The following HIVEP1 variants were observed in gnomAD, a reference collection of about 807,000 sequenced individuals.
HIVEP1 encodes the protein HIVEP zinc finger 1, also known as zinc finger protein 40.
HIVEP1 carries 36 observed loss-of-function variants against 180.0 expected under a neutral mutation model. The ratio of observed to expected loss-of-function variants is 0.20; its 90% CI spans 0.15 to 0.26. The LOEUF (loss-of-function observed/expected upper bound fraction) is 0.26, where lower values mean the gene tolerates loss of function less well. HIVEP1 is among the 10% of genes least tolerant of loss of function. The pLI is 1.00. For synonymous variants in HIVEP1, 1,239 were observed against 1,239.0 expected (o/e 1.00, Z 0.00); for missense variants, 3,143 against 3,268.7 (o/e 0.96, Z 0.94).
chr6:12,199,507 G>A, the HIVEP1 span, among the ~76,000 whole-genome samples: 45 of 151,930 alleles, frequency 3.0e-4, no homozygotes, highest in Non-Finnish European at 7.4e-5. Flanking sequence ...GATTACAGGT[G>A]CCCACCACCA....
At chr6:12,153,776 G>A (rs1759849485) in intron 7 of HIVEP1, among the ~76,000 whole-genome samples, 1 of 152,068 alleles carries the variant, frequency 6.6e-6, no homozygotes. Context: ...GAGAAGTCTT[G>A]ATTTGACTAT....
chr6:12,009,230 C>T (rs965010671), upstream of HIVEP1, among the ~76,000 whole-genome samples: 34 of 149,592 alleles, frequency 2.3e-4, 1 homozygote, highest in African/African-American at 8.3e-4. Context: ...CGGGCGGCCG[C>T]GTGGGAACCC....
At chr6:12,086,415 C>T (rs991186828) in intron 2 of HIVEP1, among the ~76,000 whole-genome samples, 1 of 152,058 alleles carries the variant, frequency 6.6e-6, no homozygotes, top group Admixed American at 6.6e-5. Flanking sequence ...TAGGTAACAG[C>T]AACAGAGAAA....
intron 2 of HIVEP1, among the ~76,000 whole-genome samples, chr6:12,042,382 C>CTTTT (rs11317475): frequency 1.5e-5 from 2 of 133,422 alleles, no homozygotes; most frequent in Admixed American, 7.4e-5. Context: ...CACCCGGCCG[C>CTTTT]TTTTTTTTTT....
intron 3 of HIVEP1, among the ~76,000 whole-genome samples, chr6:12,100,792 A>G (rs1002581811): frequency 5.9e-5 from 9 of 152,236 alleles, no homozygotes; most frequent in Admixed American, 3.9e-4. Flanking sequence ...AAAATTGGAA[A>G]CTTTTTGAGC....
At chr6:12,127,066 G>A (rs1758120010) in intron 4 of HIVEP1, among the ~76,000 whole-genome samples, 1 of 151,940 alleles carries the variant, frequency 6.6e-6, no homozygotes, top group Admixed American at 6.6e-5. Flanking sequence ...TGTCTGGTTT[G>A]GCCAAGCTGG....
intron 2 of HIVEP1, among the ~76,000 whole-genome samples, chr6:12,044,853 T>G (rs1581568242): frequency 6.6e-6 from 1 of 152,240 alleles, no homozygotes; most frequent in African/African-American, 2.4e-5. Flanking sequence ...TGTGCATGTG[T>G]GTTTGCAGTG....
chr6:12,022,774 A>T (rs1768325990), intron 2 of HIVEP1, among the ~76,000 whole-genome samples: 1 of 152,206 alleles, frequency 6.6e-6, no homozygotes, highest in African/African-American at 2.4e-5. Context: ...CTGTAAATGC[A>T]TTTTAGGCTT....
rs1042865068 is a variant in HIVEP1 at position 12,161,919 on chromosome 6, C to T, written c.6968C>T (p.Ala2323Val). ...AGTTCTATGGCAGGAAAAGCTGTTG[C>T]TATAACACAGGTAAATGATTGGCAG... ...LRSSMAGKAV[A>V]ITQSPSSVRL... The change falls in exon 8 of 9, where the codon GCT becomes GTT. Residue 2323 changes from alanine to valine, a missense_variant. Ala to Val is a moderately conservative substitution (Grantham distance 64). Transcript: ENST00000379388. 1.2e-6 allele frequency: 2 copies of T among 1,605,390 alleles called. No homozygotes were observed. The highest frequency in any genetic ancestry group is 1.7e-5 in the Admixed American group (1 of 59,308).
intron 2 of HIVEP1, among the ~76,000 whole-genome samples, chr6:12,055,867 T>C (rs978358869): frequency 2.0e-5 from 3 of 152,264 alleles, no homozygotes; most frequent in Non-Finnish European, 4.4e-5. Flanking sequence ...AAGTGTTCTA[T>C]TAAGCTAGTG....
intron 2 of HIVEP1, among the ~76,000 whole-genome samples, chr6:12,051,234 A>G (rs1171718835): frequency 2.0e-5 from 3 of 151,706 alleles, no homozygotes; most frequent in African/African-American, 7.3e-5. Flanking sequence ...TTTATGTCCC[A>G]CTACGGATAT....
intron 7 of HIVEP1, among the ~76,000 whole-genome samples, chr6:12,152,756 C>T (rs1759783170): frequency 6.6e-6 from 1 of 152,130 alleles, no homozygotes; most frequent in South Asian, 2.1e-4. Context: ...CCCAGCCCCT[C>T]CTACATCCTC....
intron 2 of HIVEP1, among the ~76,000 whole-genome samples, chr6:12,046,950 T>A (rs922870651): frequency 2.7e-5 from 4 of 150,000 alleles, no homozygotes; most frequent in African/African-American, 9.8e-5. Flanking sequence ...AATCTTCGCC[T>A]CCTGGGTTCA....
chr6:12,094,696 T>C (rs114349054), intron 3 of HIVEP1, among the ~76,000 whole-genome samples: 8,396 of 152,120 alleles, frequency 0.055, 291 homozygotes, highest in Admixed American at 0.12. Flanking sequence ...GTTAATATTT[T>C]ATTGAAGAAT....
chr6:12,129,919 G>A, intron 5 of HIVEP1, 27 bp downstream of exon 5: 7 of 1,465,608 alleles, frequency 4.8e-6, no homozygotes, highest in Non-Finnish European at 6.6e-6. Flanking sequence ...CTTCTTAAAT[G>A]TACATTTAAA....
intron 2 of HIVEP1, among the ~76,000 whole-genome samples, chr6:12,023,139 C>T (rs1768355669): frequency 6.6e-6 from 1 of 152,192 alleles, no homozygotes. Flanking sequence ...GTCCCCTCCT[C>T]CGCTTCTGTG....
At chr6:12,077,645 G>C (rs1222201858) in intron 2 of HIVEP1, among the ~76,000 whole-genome samples, 1 of 152,192 alleles carries the variant, frequency 6.6e-6, no homozygotes, top group Non-Finnish European at 1.5e-5. Context: ...AAGGTCTTAA[G>C]TCTTAGCTGT....
chr6:12,023,108 C>T (rs1433996178), intron 2 of HIVEP1, among the ~76,000 whole-genome samples: 1 of 152,188 alleles, frequency 6.6e-6, no homozygotes, highest in African/African-American at 2.4e-5. Context: ...CCTTAGGTTC[C>T]AAGATGGCAG....
chr6:12,193,251 C>T, the HIVEP1 span, among the ~76,000 whole-genome samples: 1 of 152,204 alleles, frequency 6.6e-6, no homozygotes, highest in East Asian at 1.9e-4. Flanking sequence ...ATTTACTTAT[C>T]CTATTTCCCA....
Sources: gnomAD v4.1 joint callset for allele counts (sites outside exome capture counted in the v4.1 genomes callset) on GRCh38, gnomAD v4.1.1 for gene constraint, MANE v1.5 for transcripts, NCBI Gene and HGNC (gene_info 2026-07-23, HGNC 2026-07-21) for gene names.